KCNC2: variants seen among roughly 807,000 people sequenced by gnomAD.
KCNC2 encodes voltage-gated potassium channel KCNC2.
In KCNC2, 21 loss-of-function variants were observed where a neutral mutation model predicts 44.5. The ratio of observed to expected loss-of-function variants is 0.47; its 90% CI spans 0.33 to 0.68. The LOEUF (loss-of-function observed/expected upper bound fraction) is 0.68, where lower values mean the gene tolerates loss of function less well. KCNC2 is among the 30% of genes least tolerant of loss of function. KCNC2 has a pLI of 0.01. For missense variants in KCNC2, 589 were observed against 826.2 expected (o/e 0.71, Z 3.52); for synonymous variants, 391 against 339.1 (o/e 1.15, Z -1.68).
chr12:75,074,195 C>G (rs1431292306), intron 2 of KCNC2, among the ~76,000 whole-genome samples: 2 of 148,130 alleles, frequency 1.4e-5, no homozygotes. Flanking sequence ...AGTAGGAGGT[C>G]TGCAAGCTAG....
chr12:75,059,843 A>G (rs1443641639), intron 2 of KCNC2, among the ~76,000 whole-genome samples: 1 of 152,154 alleles, frequency 6.6e-6, no homozygotes, highest in African/African-American at 2.4e-5. Flanking sequence ...ATAGAGATCT[A>G]CAATAATCAT....
chr12:75,153,473 G>A (rs1474946885), intron 2 of KCNC2, among the ~76,000 whole-genome samples: 1 of 151,818 alleles, frequency 6.6e-6, no homozygotes, highest in Non-Finnish European at 1.5e-5. Flanking sequence ...GGAAGGGTGG[G>A]AGGGTGAGAA....
At chr12:75,125,581 T>A (rs1378842787) in intron 2 of KCNC2, among the ~76,000 whole-genome samples, 1 of 152,218 alleles carries the variant, frequency 6.6e-6, no homozygotes, top group East Asian at 1.9e-4. Context: ...GTTTGGATAT[T>A]TCTACTTCAC....
At chr12:75,100,787 G>A (rs1471981140) in intron 2 of KCNC2, among the ~76,000 whole-genome samples, 1 of 151,970 alleles carries the variant, frequency 6.6e-6, no homozygotes, top group Non-Finnish European at 1.5e-5. Context: ...GACAACAGTA[G>A]TTATATTTCT....
intron 2 of KCNC2, among the ~76,000 whole-genome samples, chr12:75,204,379 C>T (rs2031521060): frequency 6.6e-6 from 1 of 151,946 alleles, no homozygotes; most frequent in Admixed American, 6.6e-5. Flanking sequence ...GTTGTTTTGT[C>T]TGCCATTTAA....
chr12:75,104,391 T>C (rs1419965045), intron 2 of KCNC2, among the ~76,000 whole-genome samples: 1 of 152,152 alleles, frequency 6.6e-6, no homozygotes, highest in Non-Finnish European at 1.5e-5. Context: ...TCTGGAATTT[T>C]CAATTTAATA....
intron 2 of KCNC2, among the ~76,000 whole-genome samples, chr12:75,119,385 C>T (rs868663334): frequency 2.3e-4 from 35 of 152,000 alleles, no homozygotes; most frequent in African/African-American, 8.0e-4. Flanking sequence ...TAGTAGAGAT[C>T]GTGAAAAGGG....
chr12:75,194,007 C>T (rs1178733184), intron 2 of KCNC2, among the ~76,000 whole-genome samples: 1 of 151,642 alleles, frequency 6.6e-6, no homozygotes, highest in Non-Finnish European at 1.5e-5. Context: ...TTCACAAAGA[C>T]ATTATAGTCA....
At chr12:75,081,330 T>C (rs1306184827) in intron 2 of KCNC2, among the ~76,000 whole-genome samples, 3 of 152,014 alleles carry the variant, frequency 2.0e-5, no homozygotes, top group Admixed American at 1.3e-4. Context: ...ATCAATATGT[T>C]CGTAGTAGTA....
intron 3 of KCNC2, 57 bp from the exon 4 acceptor site, chr12:75,048,374 A>G (rs1880780337): frequency 1.4e-6 from 2 of 1,472,306 alleles, no homozygotes. Context: ...ATGAGACAGT[A>G]CAAAGAGTTT....
chr12:75,086,681 A>AAAATATATATAT (rs1206456289), intron 2 of KCNC2, among the ~76,000 whole-genome samples: 10 of 54,200 alleles, frequency 1.8e-4, no homozygotes, highest in Non-Finnish European at 2.8e-4. Flanking sequence ...AAAAAAAAAA[A>AAAATATATATAT]ATATATATAT....
intron 2 of KCNC2, among the ~76,000 whole-genome samples, chr12:75,153,532 AGTGAT>A (rs1890553065): frequency 1.3e-5 from 2 of 151,850 alleles, no homozygotes; most frequent in African/African-American, 4.8e-5. Flanking sequence ...TATATTACTT[AGTGAT>A]AGCTACACTA....
chr12:75,087,863 G>A (rs748791986), intron 2 of KCNC2, among the ~76,000 whole-genome samples: 8 of 152,004 alleles, frequency 5.3e-5, no homozygotes, highest in Non-Finnish European at 8.8e-5. Context: ...GAAGAATCTC[G>A]ATATGACACA....
intron 2 of KCNC2, among the ~76,000 whole-genome samples, chr12:75,104,832 T>C (rs550280752): frequency 8.5e-5 from 13 of 152,236 alleles, no homozygotes; most frequent in Admixed American, 3.3e-4. Context: ...ACCCAGGCAG[T>C]ATGGCTCCAG....
At chr12:75,189,493 C>T (rs1161574826) in intron 2 of KCNC2, among the ~76,000 whole-genome samples, 1 of 152,104 alleles carries the variant, frequency 6.6e-6, no homozygotes, top group Admixed American at 6.5e-5. Context: ...TGTACTTTTC[C>T]ACCTAAAAAG....
At chr12:75,061,395 A>G (rs1263425507) in intron 2 of KCNC2, among the ~76,000 whole-genome samples, 1 of 152,062 alleles carries the variant, frequency 6.6e-6, no homozygotes, top group Non-Finnish European at 1.5e-5. Context: ...TTCAAGGTGG[A>G]GAGATTAGCA....
At chr12:75,191,845 G>T (rs573671676) in intron 2 of KCNC2, among the ~76,000 whole-genome samples, 1 of 151,872 alleles carries the variant, frequency 6.6e-6, no homozygotes, top group South Asian at 2.1e-4. Flanking sequence ...CACCGCGCCC[G>T]GCCTATTATA....
Position 75,042,997 on chromosome 12 carries a change from T to C in KCNC2, c.*108A>G. 2 of 1,493,528 alleles carry C rather than the reference T, an allele frequency of 1.3e-6. No individual in the cohort carries two copies. Among genetic ancestry groups the C allele is most frequent in the Non-Finnish European group, 1.8e-6 (2 of 1,122,730 alleles). 92.5% of individuals were successfully genotyped at this position (1,493,528 alleles called of 1,614,324 possible). Reference sequence around the variant, plus strand: ...TTGTAGTATCATGCAAGATTTATACTGTATTAATGGAGCCTGGAGTAACTC... The same window carrying C: ...TTGTAGTATCATGCAAGATTTATACCGTATTAATGGAGCCTGGAGTAACTC... On this transcript the variant is annotated 3_prime_UTR_variant, in exon 5 of 5. Coordinates refer to ENST00000549446, the MANE Select transcript of KCNC2 (RefSeq NM_139137.4).
chr12:75,063,492 G>A (rs1164533777), intron 2 of KCNC2, among the ~76,000 whole-genome samples: 10 of 151,864 alleles, frequency 6.6e-5, no homozygotes, highest in African/African-American at 1.5e-4. Flanking sequence ...ATCTCACCCC[G>A]GAAAAGCCAT....
Sources: allele counts gnomAD v4.1 joint callset (sites outside exome capture counted in the v4.1 genomes callset), GRCh38; gene constraint gnomAD v4.1.1; transcripts MANE v1.5; gene names NCBI Gene and HGNC (gene_info 2026-07-23, HGNC 2026-07-21).